EP400: variants seen among roughly 807,000 people sequenced by gnomAD.
EP400 encodes the protein E1A-binding protein p400.
A neutral mutation model predicts 354.1 loss-of-function variants in EP400; 105 were observed. The observed-to-expected ratio is 0.30, with a 90% CI of 0.25 to 0.35. The LOEUF is 0.35. EP400 is among the 10% of genes least tolerant of loss of function. EP400 has a pLI of 1.00. For synonymous variants in EP400, 1,646 were observed against 1,716.9 expected, an observed-to-expected ratio of 0.96 and a Z score of 1.02; for missense variants, 3,280 against 4,121.0, an observed-to-expected ratio of 0.80 and a Z score of 5.59.
chr12:131,992,031 C>T, intron 10 of EP400, 142 bp from the exon 11 acceptor site: 1 of 807,810 alleles, frequency 1.2e-6, no homozygotes, highest in South Asian at 1.4e-5. Flanking sequence ...GCTGCCCTGC[C>T]CCGACCCCAA....
rs56108246 is a variant in EP400, at chr12:132,073,228, C to CT, written c.9022-3271dup. 4.5e-3 allele frequency among the ~76,000 whole-genome samples: 559 copies of CT among 125,450 alleles called. 4 individuals carry two copies. Among genetic ancestry groups the CT allele is most frequent in the Non-Finnish European group, 4.6e-3 (267 of 58,476 alleles). 82.3% of individuals were successfully genotyped at this position (125,450 alleles called of 152,430 possible). On this transcript the variant is annotated intron_variant, in intron 51 of 52. Coordinates refer to ENST00000389561, the MANE Select transcript of EP400 (RefSeq NM_015409.5). ...CTTGCCTTCTTTTGGGCCACCTTCT[C>CT]TTTTTTTTTTTTTTTTTATCAATTC...
chr12:132,023,310 T>C (rs1327089671), intron 23 of EP400, among the ~76,000 whole-genome samples: 1 of 140,286 alleles, frequency 7.1e-6, no homozygotes, highest in Non-Finnish European at 1.5e-5. Flanking sequence ...TTTTTTTTTT[T>C]TTTTTTTTTT....
rs1157330828 is a variant in EP400 at position 132,044,676 on chromosome 12, T to C, written c.6591T>C (p.Tyr2197=). Residue 2197 remains tyrosine, a synonymous_variant, in exon 36 of 53, where the codon TAT becomes TAC. Coordinates refer to ENST00000389561, the MANE Select transcript of EP400 (RefSeq NM_015409.5). ...GCTTGCCGTGTTCCCTACAGGAGTA[T>C]GTCTACGAAGATGTCGATGGGCAGA... ...YTREDAYSME[Y]VYEDVDGQTE... The C allele has an allele frequency of 6.2e-7, 1 of 1,614,188 alleles. No homozygotes were observed. Among genetic ancestry groups the C allele is most frequent in the South Asian group, 1.1e-5 (1 of 91,080 alleles).
chr12:131,990,142 T>G lies in EP400; in HGVS notation c.2550+38T>G. 2 of 1,576,684 alleles carry G rather than the reference T, an allele frequency of 1.3e-6. No homozygotes were observed. Among genetic ancestry groups the G allele is most frequent in the African/African-American group, 1.4e-5 (1 of 72,888 alleles). ...GTTGTCATGGGGTCGTAAGAATCAG[T>G]CTGTCGGAGCTGGTGAGGCCACTTC... On this transcript the variant is annotated intron_variant, in intron 8 of 52. Coordinates refer to ENST00000389561, the MANE Select transcript of EP400 (RefSeq NM_015409.5). The surrounding 1 kb of genome is among the most constrained non-coding windows in gnomAD (Gnocchi z 4.2).
intron 14 of EP400, 79 bp downstream of exon 14, chr12:132,006,381 C>T (rs573960411): frequency 5.2e-5 from 77 of 1,487,674 alleles, no homozygotes; most frequent in East Asian, 2.8e-4. Flanking sequence ...AAAGCTTTTC[C>T]TCTTCCCAGT....
At chr12:132,063,173 C>T (rs1334663686) in intron 47 of EP400, among the ~76,000 whole-genome samples, 2 of 152,184 alleles carry the variant, frequency 1.3e-5, no homozygotes, top group African/African-American at 4.8e-5. Context: ...TTTTGCTAAC[C>T]TCTGTACCAG....
chr12:131,968,942 T>C (rs1304820143), intron 2 of EP400, among the ~76,000 whole-genome samples: 1 of 152,240 alleles, frequency 6.6e-6, no homozygotes, highest in Non-Finnish European at 1.5e-5. Flanking sequence ...TTAGGAGCTT[T>C]TTTGTAGATT....
rs770366618 is a variant in EP400 at position 132,011,493 on chromosome 12, T to C, written c.3305-5T>C. 5 of 1,611,784 alleles carry C rather than the reference T, an allele frequency of 3.1e-6. No individual in the cohort carries two copies. The South Asian group carries it at 5.5e-5, about 18-fold the overall frequency. ...ACGTGGAAAATTCTGTTTTTTGCTT[T>C]GTAGGTAATTGGGGCCCCCATCTTG... On this transcript the variant is annotated splice_polypyrimidine_tract_variant and splice_region_variant and intron_variant, in intron 15 of 52. Coordinates refer to ENST00000389561, the MANE Select transcript of EP400 (RefSeq NM_015409.5).
chr12:132,028,104 A>C lies in EP400; in HGVS notation c.5197A>C (p.Arg1733=), dbSNP rs1170162271. ...RRCSQAPVYG[R]DLLRICALPS... ...CTGTTCTCAAGCTCCAGTCTATGGC[A>C]GAGACTTGCTAAGGATTTGTGCCCT... The change falls in exon 27 of 53, where the codon AGA becomes CGA. Residue 1733 remains arginine, a synonymous_variant. Coordinates refer to ENST00000389561, the MANE Select transcript of EP400 (RefSeq NM_015409.5). 6.2e-7 allele frequency: 1 copy of C among 1,614,236 alleles called. No homozygotes were observed. Among genetic ancestry groups the C allele is most frequent in the Admixed American group, 1.7e-5 (1 of 60,026 alleles).
chr12:131,972,660 T>C (rs1892331949), intron 2 of EP400, among the ~76,000 whole-genome samples: 2 of 151,552 alleles, frequency 1.3e-5, no homozygotes, highest in Non-Finnish European at 1.5e-5. Flanking sequence ...TAAGCAGAAA[T>C]TTTTCATCAT....
At chr12:132,041,154 C>T (rs1001989902) in intron 32 of EP400, among the ~76,000 whole-genome samples, 3 of 152,214 alleles carry the variant, frequency 2.0e-5, no homozygotes, top group African/African-American at 4.8e-5. Flanking sequence ...TCCACGTTAG[C>T]GTGCTGTACT....
intron 48 of EP400, 104 bp from the exon 49 acceptor site, chr12:132,066,670 T>C: frequency 8.1e-7 from 1 of 1,230,956 alleles, no homozygotes; most frequent in Non-Finnish European, 1.1e-6. Context: ...ACTTTGTTGA[T>C]CTTTGTAAAT....
intron 51 of EP400, 38 bp from the exon 52 acceptor site, chr12:132,076,478 T>C: frequency 6.2e-7 from 1 of 1,607,180 alleles, no homozygotes; most frequent in South Asian, 1.1e-5. Flanking sequence ...CACATACTCC[T>C]TTGAATTGTA....
intron 19 of EP400, among the ~76,000 whole-genome samples, chr12:132,016,494 G>C (rs561772302): frequency 2.0e-5 from 3 of 151,970 alleles, no homozygotes; most frequent in Non-Finnish European, 4.4e-5. Flanking sequence ...TCAGCCTCTC[G>C]AGTTGCTGGG....
chr12:132,006,067 A>C, intron 13 of EP400, 45 bp from the exon 14 acceptor site: 1 of 1,551,974 alleles, frequency 6.4e-7, no homozygotes, highest in Non-Finnish European at 8.7e-7. Flanking sequence ...AGATTTATAA[A>C]GCCTTCTCAG....
intron 15 of EP400, among the ~76,000 whole-genome samples, chr12:132,007,086 A>G (rs1487205466): frequency 1.3e-5 from 2 of 152,216 alleles, no homozygotes; most frequent in African/African-American, 4.8e-5. Flanking sequence ...ATTAGTGAAA[A>G]TCTAATAAAA....
At position 131,960,647 on chromosome 12, in the gene EP400, G is replaced by A. The variant is rs566501800; in HGVS notation, c.28G>A (p.Val10Ile). The change falls in exon 2 of 53, where the codon GTC becomes ATC. Residue 10 changes from valine to isoleucine, a missense_variant. By Grantham distance (29) the Val-to-Ile change is conservative. Transcript: ENST00000389561. Reference sequence around the variant, plus strand: ...GCACCATGGCACTGGCCCCCAGAACGTCCAGCATCAGCTGCAGAGGTCCAG... The same window carrying A: ...GCACCATGGCACTGGCCCCCAGAACATCCAGCATCAGCTGCAGAGGTCCAG... Reference protein sequence around the residue: MHHGTGPQNVQHQLQRSRAC... With the variant: MHHGTGPQNIQHQLQRSRAC... 18 of 1,591,344 alleles carry A rather than the reference G, an allele frequency of 1.1e-5. No homozygotes were observed. Among genetic ancestry groups the A allele is most frequent in the African/African-American group, 2.7e-5 (2 of 74,866 alleles).
chr12:132,055,164 A>G lies in EP400; in HGVS notation c.7840A>G (p.Ile2614Val). 6.3e-7 allele frequency: 1 copy of G among 1,597,270 alleles called. No individual in the cohort carries two copies. Among genetic ancestry groups the G allele is most frequent in the Non-Finnish European group, 8.5e-7 (1 of 1,171,498 alleles). Residue 2614 changes from isoleucine to valine, a missense_variant, in exon 45 of 53, where the codon ATC (isoleucine) becomes GTC (valine). Physicochemically the swap from Ile to Val is conservative, Grantham distance 29 (BLOSUM62 3). Transcript: ENST00000389561. ...GGTCCCAGCTGCCACCTTCCAGTCCATCAACAAGCGCCTGGCGTCGCCAGT... is the reference window on the plus strand; with the variant it reads ...GGTCCCAGCTGCCACCTTCCAGTCCGTCAACAAGCGCCTGGCGTCGCCAGT... ...AGVPAATFQS[I>V]NKRLASPVAP...
At chr12:131,971,457 C>T (rs1593316473) in intron 2 of EP400, among the ~76,000 whole-genome samples, 1 of 152,158 alleles carries the variant, frequency 6.6e-6, no homozygotes. Context: ...GTGCAGATAC[C>T]TCTTCAAGAC....
Sources: gnomAD v4.1 joint callset for allele counts (sites outside exome capture counted in the v4.1 genomes callset) on GRCh38, gnomAD v4.1.1 for gene constraint, Gnocchi (gnomAD v3.1) non-coding constraint, MANE v1.5 for transcripts, NCBI Gene and HGNC (gene_info 2026-07-23, HGNC 2026-07-21) for gene names.